Variants in PDE1C observed in about 807,000 individuals in gnomAD.
The protein encoded by PDE1C is phosphodiesterase 1C.
PDE1C carries 62 observed loss-of-function variants against 93.1 expected under a neutral mutation model. That is an observed-to-expected ratio of 0.67 (90% CI 0.54 to 0.82). The LOEUF (loss-of-function observed/expected upper bound fraction) is 0.82. Among genes scored for constraint, PDE1C ranks in the 40% least tolerant of loss-of-function variants. The pLI, the probability that PDE1C is intolerant of heterozygous loss-of-function variation, is 0.00. For synonymous variants in PDE1C, 325 were observed against 310.1 expected (o/e 1.05, Z -0.50); for missense variants, 742 against 884.6 (o/e 0.84, Z 2.04).
At chr7:31,842,242 A>G (rs938758559) in intron 9 of PDE1C, among the ~76,000 whole-genome samples, 2 of 152,178 alleles carry the variant, frequency 1.3e-5, no homozygotes, top group African/African-American at 2.4e-5. Context: ...TGTTCATAAA[A>G]TACATTAGTC....
At chr7:32,175,947 A>G (rs958340198) in intron 2 of PDE1C, among the ~76,000 whole-genome samples, 2 of 152,212 alleles carry the variant, frequency 1.3e-5, no homozygotes, top group African/African-American at 2.4e-5. Context: ...TTTCACATCC[A>G]TTAAGTAAAT....
At position 32,202,330 on chromosome 7, in the gene PDE1C, C is replaced by A. The variant is rs563266908; in HGVS notation, c.136+7159G>T. Among the ~76,000 whole-genome samples the A allele has an allele frequency of 2.6e-5, 4 of 152,280 alleles. No homozygotes were observed. In the South Asian group the frequency reaches 8.3e-4, roughly 32 times the overall value. On this transcript the variant is annotated intron_variant, in intron 2 of 18. Transcript: ENST00000396193. ...GAGTCTCAGTGTCCTGCCCCTTACC[C>A]CCATACACATGCCAGTCCATCACTC... is the stretch of plus-strand genomic sequence containing the variant.
chr7:32,278,122 G>A (rs1811403441), intron 1 of PDE1C, among the ~76,000 whole-genome samples: 1 of 39,288 alleles, frequency 2.5e-5, no homozygotes, highest in Non-Finnish European at 5.1e-5. Context: ...AACACAACGA[G>A]TTGCCAAAAA....
downstream of PDE1C, among the ~76,000 whole-genome samples, chr7:31,748,395 A>G (rs1002360682): frequency 6.6e-6 from 1 of 152,236 alleles, no homozygotes; most frequent in Non-Finnish European, 1.5e-5. Flanking sequence ...AGATGGTTCT[A>G]TAAGCTTGGC....
intron 13 of PDE1C, 42 bp from the exon 14 acceptor site, chr7:31,823,290 T>C (rs1583478442): frequency 6.4e-7 from 1 of 1,551,928 alleles, no homozygotes; most frequent in East Asian, 2.3e-5. Flanking sequence ...GAGTTAGTGT[T>C]TGGAAAATGT....
intron 2 of PDE1C, among the ~76,000 whole-genome samples, chr7:32,042,591 G>A (rs1791976069): frequency 6.6e-6 from 1 of 152,162 alleles, no homozygotes; most frequent in African/African-American, 2.4e-5. Context: ...CTATGTGCTT[G>A]CCAAAGTTTG....
rs562142207 is a variant in PDE1C at position 32,289,464 on chromosome 7, C to G, written c.85+9187G>C. ...GCTATTTCATAAATGGTGAACATAACAACTTATCAATTCACATTTTGTTTT... is the reference window on the plus strand; with the variant it reads ...GCTATTTCATAAATGGTGAACATAAGAACTTATCAATTCACATTTTGTTTT... On this transcript the variant is annotated intron_variant, in intron 1 of 18. Transcript: ENST00000396193. Among the ~76,000 whole-genome samples the G allele has an allele frequency of 1.8e-3, 271 of 152,146 alleles. 1 individual carries two copies. The highest frequency in any genetic ancestry group is 1.8e-3 in the Non-Finnish European group (125 of 68,016).
chr7:31,963,611 T>C (rs7811069), intron 2 of PDE1C, among the ~76,000 whole-genome samples: 79,692 of 152,068 alleles, frequency 0.52, 21,288 homozygotes, highest in Admixed American at 0.62. Flanking sequence ...TTTTTGAGAG[T>C]AATCTGTTAC....
chr7:32,212,446 G>A (rs1806116526), intron 1 of PDE1C, among the ~76,000 whole-genome samples: 1 of 152,112 alleles, frequency 6.6e-6, no homozygotes, highest in Admixed American at 6.6e-5. Flanking sequence ...CGCCACCAGC[G>A]TGATTTCCCT....
chr7:31,973,237 CA>C (rs1424102377), intron 2 of PDE1C, among the ~76,000 whole-genome samples: 1 of 152,092 alleles, frequency 6.6e-6, no homozygotes, highest in Non-Finnish European at 1.5e-5. Context: ...AAAGACTCAA[CA>C]GTCATATCAT....
intron 1 of PDE1C, among the ~76,000 whole-genome samples, chr7:32,285,825 G>A (rs1477187844): frequency 6.7e-6 from 1 of 150,364 alleles, no homozygotes. Flanking sequence ...GAGAGAATAA[G>A]GGGAGGGGAA....
intron 3 of PDE1C, among the ~76,000 whole-genome samples, chr7:32,125,169 T>C (rs1799507945): frequency 6.6e-6 from 1 of 152,136 alleles, no homozygotes; most frequent in South Asian, 2.1e-4. Flanking sequence ...CATAACGAGA[T>C]ACCATCTCAC....
chr7:31,761,701 T>G (rs1348114923), intron 17 of PDE1C, among the ~76,000 whole-genome samples: 1 of 152,168 alleles, frequency 6.6e-6, no homozygotes, highest in Non-Finnish European at 1.5e-5. Flanking sequence ...TCTATGAGGG[T>G]AGGACTAAGC....
In PDE1C at chr7:32,252,740, G is replaced by A. The variant is rs1040719550; in HGVS notation, c.86-43201C>T. Among the ~76,000 whole-genome samples, 7 of 152,192 alleles carry A rather than the reference G, an allele frequency of 4.6e-5. No homozygotes were observed. In the South Asian group the frequency reaches 8.3e-4, roughly 18 times the overall value. On this transcript the variant is annotated intron_variant, in intron 1 of 18. Transcript: ENST00000396193. ...GCTGCTCAAACTATGTATTTGCAAC[G>A]TGTCAAGGACTGACACTTTTGTGAA...
intron 1 of PDE1C, among the ~76,000 whole-genome samples, chr7:32,363,877 A>G (rs1784183212): frequency 6.6e-6 from 1 of 152,208 alleles, no homozygotes; most frequent in South Asian, 2.1e-4. Flanking sequence ...ACCACTTACT[A>G]TGCCCCAGGA....
At chr7:32,389,052 A>T (rs11762733) in intron 1 of PDE1C, among the ~76,000 whole-genome samples, 2,067 of 152,280 alleles carry the variant, frequency 0.014, 31 homozygotes, top group Middle Eastern at 0.041. Flanking sequence ...TATTGAGTTG[A>T]TTGCCATCAA....
chr7:32,000,365 T>C (rs1324453236), intron 2 of PDE1C, among the ~76,000 whole-genome samples: 4 of 152,072 alleles, frequency 2.6e-5, no homozygotes, highest in African/African-American at 9.7e-5. Flanking sequence ...ATATTCCTGA[T>C]GCTATAAGAG....
At chr7:32,338,018 G>A (rs886966123) in intron 1 of PDE1C, among the ~76,000 whole-genome samples, 9 of 152,108 alleles carry the variant, frequency 5.9e-5, no homozygotes, top group Non-Finnish European at 8.8e-5. Flanking sequence ...AACACTCATA[G>A]AAGAAAACAC....
chr7:31,674,046 TTAAA>T, the PDE1C span, among the ~76,000 whole-genome samples: 1 of 152,202 alleles, frequency 6.6e-6, no homozygotes, highest in African/African-American at 2.4e-5. Flanking sequence ...TGCACAAATC[TTAAA>T]TGAACCATTC....
Sources: allele counts gnomAD v4.1 joint callset (sites outside exome capture counted in the v4.1 genomes callset), GRCh38; gene constraint gnomAD v4.1.1; transcripts MANE v1.5; gene names NCBI Gene and HGNC (gene_info 2026-07-23, HGNC 2026-07-21).